The following SGCZ variants were observed in gnomAD, a reference collection of about 807,000 sequenced individuals.
SGCZ encodes sarcoglycan zeta, also known as zeta-sarcoglycan.
SGCZ carries 40 observed loss-of-function variants against 41.3 expected under a neutral mutation model. That is an observed-to-expected ratio of 0.97 (90% CI 0.75 to 1.26). The LOEUF (loss-of-function observed/expected upper bound fraction) is 1.26, where lower values mean the gene tolerates loss of function less well. SGCZ is among the 50% of genes most tolerant of loss of function. The pLI, the probability that SGCZ is intolerant of heterozygous loss-of-function variation, is 0.00. For synonymous variants in SGCZ, 206 were observed against 137.5 expected (o/e 1.50, Z -3.49); for missense variants, 552 against 369.8 (o/e 1.49, Z -4.04).
chr8:14,399,512 G>C (rs1799012824), intron 2 of SGCZ, among the ~76,000 whole-genome samples: 1 of 151,764 alleles, frequency 6.6e-6, no homozygotes, highest in African/African-American at 2.4e-5. Context: ...CTTCACAGAT[G>C]ATTTGTTAAA....
At chr8:14,281,738 A>T (rs1427007) in intron 3 of SGCZ, among the ~76,000 whole-genome samples, 1 of 151,856 alleles carries the variant, frequency 6.6e-6, no homozygotes, top group Non-Finnish European at 1.5e-5. Flanking sequence ...TTGTGTCAAT[A>T]CAAAACACAT....
intron 2 of SGCZ, among the ~76,000 whole-genome samples, chr8:14,371,728 T>C (rs966779487): frequency 6.6e-6 from 1 of 152,128 alleles, no homozygotes; most frequent in African/African-American, 2.4e-5. Context: ...CTGGAGGTTA[T>C]GCACTGCCAA....
At chr8:14,798,224 T>C (rs1585269201) in intron 1 of SGCZ, among the ~76,000 whole-genome samples, 1 of 152,198 alleles carries the variant, frequency 6.6e-6, no homozygotes, top group Admixed American at 6.5e-5. Flanking sequence ...ATATAAAAAA[T>C]CATTGACCCA....
At chr8:15,171,201 A>G (rs1211631747) in intron 1 of SGCZ, among the ~76,000 whole-genome samples, 1 of 152,172 alleles carries the variant, frequency 6.6e-6, no homozygotes, top group African/African-American at 2.4e-5. Context: ...GTAGTCTTTG[A>G]GTTAGTTCAT....
At chr8:15,120,746 G>C (rs1323228772) in intron 1 of SGCZ, among the ~76,000 whole-genome samples, 2 of 151,984 alleles carry the variant, frequency 1.3e-5, no homozygotes, top group African/African-American at 4.8e-5. Flanking sequence ...ATTTCTACTA[G>C]ATAATCACAA....
rs1350913452 is a variant in SGCZ at position 14,085,248 on chromosome 8, A to G, written c.*5195T>C. ...TGTTGCATAGTATGTGTAAGAAAAT[A>G]GTTCCATTTTTCATATATCTATATA... On this transcript the variant is annotated 3_prime_UTR_variant, in exon 8 of 8. Transcript: ENST00000382080. 6.6e-6 allele frequency among the ~76,000 whole-genome samples: 1 copy of G among 151,820 alleles called. No homozygotes were observed. Among genetic ancestry groups the G allele is most frequent in the Non-Finnish European group, 1.5e-5 (1 of 67,812 alleles).
chr8:14,108,768 G>A (rs1431378169), intron 5 of SGCZ, among the ~76,000 whole-genome samples: 1 of 151,880 alleles, frequency 6.6e-6, no homozygotes, highest in Non-Finnish European at 1.5e-5. Context: ...AGTCAATCAA[G>A]GTAAATCTAA....
rs189864323 is a variant in SGCZ, at chr8:15,163,591, G to T, written c.39+73994C>A. The stretch of plus-strand genomic sequence containing the variant: ...ACTTATCCTATTTCTTAAAGAAAAA[G>T]TCTGATAGCTATTGCTTAACTAGAG... On this transcript the variant is annotated intron_variant, in intron 1 of 7. Transcript: ENST00000382080. Among the ~76,000 whole-genome samples the T allele has an allele frequency of 2.7e-3, 406 of 152,190 alleles. 1 individual carries two copies. Among genetic ancestry groups the T allele is most frequent in the Middle Eastern group, 0.014 (4 of 294 alleles).
At chr8:14,651,967 A>G (rs1807414701) in intron 1 of SGCZ, among the ~76,000 whole-genome samples, 1 of 152,036 alleles carries the variant, frequency 6.6e-6, no homozygotes, top group African/African-American at 2.4e-5. Flanking sequence ...AGCAAACAAA[A>G]AAAACGGGTC....
intron 1 of SGCZ, among the ~76,000 whole-genome samples, chr8:14,720,918 T>A (rs1382660782): frequency 6.6e-6 from 1 of 151,998 alleles, no homozygotes; most frequent in East Asian, 1.9e-4. Flanking sequence ...AACTGTTTTT[T>A]TTTTAATTTT....
intron 2 of SGCZ, among the ~76,000 whole-genome samples, chr8:14,536,870 G>C (rs1563394195): frequency 6.6e-6 from 1 of 152,078 alleles, no homozygotes; most frequent in East Asian, 1.9e-4. Flanking sequence ...TTAGTCTTCA[G>C]TGTTGAGCAG....
intron 1 of SGCZ, among the ~76,000 whole-genome samples, chr8:14,901,017 T>G (rs891400374): frequency 6.6e-5 from 10 of 152,192 alleles, no homozygotes; most frequent in Non-Finnish European, 1.2e-4. Flanking sequence ...AATTTATTAA[T>G]ACCAAGATAT....
chr8:14,931,879 C>A lies in SGCZ; in HGVS notation c.39+305706G>T, dbSNP rs371598801. Among the ~76,000 whole-genome samples the A allele has an allele frequency of 1.2e-4, 19 of 152,010 alleles. No individual in the cohort carries two copies. The South Asian group carries it at 3.9e-3, about 31-fold the overall frequency. Reference sequence around the variant, plus strand: ...ATTCATAACTGTTTTAACCTTGACACACTGTGAATCCACCTGAAACATTAT... The same window carrying A: ...ATTCATAACTGTTTTAACCTTGACAAACTGTGAATCCACCTGAAACATTAT... On this transcript the variant is annotated intron_variant, in intron 1 of 7. Coordinates refer to ENST00000382080, the MANE Select transcript of SGCZ (RefSeq NM_139167.4).
intron 1 of SGCZ, among the ~76,000 whole-genome samples, chr8:15,169,790 G>T (rs1799775321): frequency 6.6e-6 from 1 of 152,060 alleles, no homozygotes; most frequent in African/African-American, 2.4e-5. Flanking sequence ...ATCCATAAGG[G>T]CTCCATCTCC....
chr8:15,220,260 A>T (rs1359193267), intron 1 of SGCZ, among the ~76,000 whole-genome samples: 1 of 152,332 alleles, frequency 6.6e-6, no homozygotes, highest in Non-Finnish European at 1.5e-5. Flanking sequence ...TCTTTGGACA[A>T]ACTGACGTTT....
chr8:14,216,886 T>C (rs1305629822), intron 4 of SGCZ, among the ~76,000 whole-genome samples: 2 of 152,104 alleles, frequency 1.3e-5, no homozygotes, highest in Non-Finnish European at 2.9e-5. Context: ...AGGAAAAGTC[T>C]GGGGGTAGGA....
intron 1 of SGCZ, among the ~76,000 whole-genome samples, chr8:15,011,222 T>G (rs1488686002): frequency 4.6e-5 from 7 of 152,144 alleles, no homozygotes; most frequent in Admixed American, 1.3e-4. Flanking sequence ...CATTACACGC[T>G]TTTTTTAACT....
intron 5 of SGCZ, among the ~76,000 whole-genome samples, chr8:14,113,350 G>C (rs539741957): frequency 3.3e-5 from 5 of 152,122 alleles, no homozygotes; most frequent in African/African-American, 9.6e-5. Context: ...ACTGCCTGTA[G>C]TACTTGTCTT....
At chr8:15,144,828 C>T (rs1798994239) in intron 1 of SGCZ, among the ~76,000 whole-genome samples, 1 of 152,328 alleles carries the variant, frequency 6.6e-6, no homozygotes, top group South Asian at 2.1e-4. Context: ...CTTAGGGACA[C>T]ATTAATTTTA....
Sources: gnomAD v4.1 joint callset for allele counts (sites outside exome capture counted in the v4.1 genomes callset) on GRCh38, gnomAD v4.1.1 for gene constraint, MANE v1.5 for transcripts, NCBI Gene and HGNC (gene_info 2026-07-23, HGNC 2026-07-21) for gene names.